PLCXD3: variants seen among roughly 807,000 people sequenced by gnomAD.
PLCXD3 encodes the protein PI-PLC X domain-containing protein 3.
In PLCXD3, 19 loss-of-function variants were observed where a neutral mutation model predicts 25.5. The observed-to-expected ratio is 0.75, with a 90% CI of 0.52 to 1.09. The LOEUF is 1.09. PLCXD3 is among the 50% of genes least tolerant of loss of function. The pLI, the probability that PLCXD3 is intolerant of heterozygous loss-of-function variation, is 0.00. For missense variants in PLCXD3, 411 were observed against 388.1 expected (o/e 1.06, Z -0.50); for synonymous variants, 174 against 137.6 (o/e 1.26, Z -1.85).
At chr5:41,421,557 C>T (rs1024627028) in intron 1 of PLCXD3, among the ~76,000 whole-genome samples, 1 of 151,750 alleles carries the variant, frequency 6.6e-6, no homozygotes, top group African/African-American at 2.4e-5. Flanking sequence ...AAAAATTAAC[C>T]GGGCGCGGTG....
chr5:41,390,572 A>T lies in PLCXD3; in HGVS notation c.104-8038T>A, dbSNP rs544517296. Among the ~76,000 whole-genome samples, 19 of 152,298 alleles carry T rather than the reference A, an allele frequency of 1.2e-4. 1 individual carries two copies. In the South Asian group the frequency reaches 3.9e-3, roughly 32 times the overall value. On this transcript the variant is annotated intron_variant, in intron 1 of 2. Coordinates refer to ENST00000377801, the MANE Select transcript of PLCXD3 (RefSeq NM_001005473.3). ...GAGTGGTTGTACACTGGTATCTCAT[A>T]GTGGTTTTAATTTTCTAATATCTGA...
chr5:41,467,142 A>G (rs1454563679), intron 1 of PLCXD3, among the ~76,000 whole-genome samples: 1 of 152,200 alleles, frequency 6.6e-6, no homozygotes, highest in Non-Finnish European at 1.5e-5. Context: ...ACAATTTTCC[A>G]TAATGGCTAC....
intron 2 of PLCXD3, among the ~76,000 whole-genome samples, chr5:41,366,036 G>A (rs1200410781): frequency 6.6e-6 from 1 of 151,862 alleles, no homozygotes; most frequent in Non-Finnish European, 1.5e-5. Context: ...TTGGTGTGCT[G>A]CACCCGTTAA....
At chr5:41,467,575 T>A (rs540614404) in intron 1 of PLCXD3, among the ~76,000 whole-genome samples, 1 of 152,302 alleles carries the variant, frequency 6.6e-6, no homozygotes, top group South Asian at 2.1e-4. Context: ...CATTTGTATA[T>A]CTTTGCTTTT....
chr5:41,393,570 C>T (rs1745902955), intron 1 of PLCXD3, among the ~76,000 whole-genome samples: 1 of 152,046 alleles, frequency 6.6e-6, no homozygotes, highest in South Asian at 2.1e-4. Flanking sequence ...TTAAAAAGTC[C>T]TTCAAACAGA....
chr5:41,507,438 A>T (rs1208664559), intron 1 of PLCXD3, among the ~76,000 whole-genome samples: 4 of 152,252 alleles, frequency 2.6e-5, no homozygotes, highest in African/African-American at 7.2e-5. Context: ...AATACCAATT[A>T]CTAACTTAAT....
intron 2 of PLCXD3, among the ~76,000 whole-genome samples, chr5:41,314,386 A>G (rs890895170): frequency 6.6e-6 from 1 of 152,230 alleles, no homozygotes. Flanking sequence ...ACAGATAAAA[A>G]TATCTTTCCC....
chr5:41,459,105 T>C (rs932875456), intron 1 of PLCXD3, among the ~76,000 whole-genome samples: 10 of 151,922 alleles, frequency 6.6e-5, no homozygotes, highest in African/African-American at 2.2e-4. Flanking sequence ...AGGGTCTAAA[T>C]AGAAAAATAG....
intron 1 of PLCXD3, among the ~76,000 whole-genome samples, chr5:41,429,171 T>C (rs972509887): frequency 9.2e-5 from 14 of 152,158 alleles, no homozygotes; most frequent in Admixed American, 1.3e-4. Context: ...AATGAGATGT[T>C]ACTTAGTGAA....
In PLCXD3 at chr5:41,458,857, A is replaced by C. The variant is rs555768176; in HGVS notation, c.103+51567T>G. Among the ~76,000 whole-genome samples the C allele has an allele frequency of 3.3e-5, 5 of 152,114 alleles. No individual in the cohort carries two copies. The East Asian group carries it at 7.8e-4, about 24-fold the overall frequency. On this transcript the variant is annotated intron_variant, in intron 1 of 2. Transcript: ENST00000377801. ...CTTGTGAGACCCTGTAAAATAATTTACACAGAAATATTGAGTGATATTCTG... is the reference window on the plus strand; with the variant it reads ...CTTGTGAGACCCTGTAAAATAATTTCCACAGAAATATTGAGTGATATTCTG...
chr5:41,381,993 G>C lies in PLCXD3; in HGVS notation c.645C>G (p.Pro215=), dbSNP rs750065858. The part of the protein sequence containing the change: ...FLWPGQMMPA[P]WANTTDPEKL... ...TCTCGGGGTCTGTGGTGTTGGCCCA[G>C]GGTGCTGGCATCATCTGCCCAGGCC... Residue 215 remains proline (P), a synonymous_variant, in exon 2 of 3, where the codon CCC becomes CCG. Transcript: ENST00000377801. The C allele has an allele frequency of 1.8e-5, 29 of 1,613,362 alleles. No individual in the cohort carries two copies. The highest frequency in any genetic ancestry group is 2.3e-5 in the Non-Finnish European group (27 of 1,179,730).
At chr5:41,388,970 A>G (rs1689098408) in intron 1 of PLCXD3, among the ~76,000 whole-genome samples, 1 of 151,332 alleles carries the variant, frequency 6.6e-6, no homozygotes. Flanking sequence ...TTATATATAA[A>G]TGTATTTATA....
intron 1 of PLCXD3, among the ~76,000 whole-genome samples, chr5:41,473,533 C>T (rs1038135981): frequency 2.6e-5 from 4 of 152,046 alleles, no homozygotes; most frequent in Non-Finnish European, 4.4e-5. Flanking sequence ...GGCTCCGCCT[C>T]CCAGGTTCAC....
In PLCXD3 at chr5:41,338,464, C is replaced by A. The variant is rs1415154836; in HGVS notation, c.813-24694G>T. 2.0e-5 allele frequency among the ~76,000 whole-genome samples: 3 copies of A among 152,070 alleles called. No individual in the cohort carries two copies. In the East Asian group the frequency reaches 5.8e-4, roughly 29 times the overall value. Reference sequence around the variant, plus strand: ...TAACATGCGTGCATGCATGTGCACACACACACAAATCACCAATGACATCTA... The same window carrying A: ...TAACATGCGTGCATGCATGTGCACAAACACACAAATCACCAATGACATCTA... On this transcript the variant is annotated intron_variant, in intron 2 of 2. Transcript: ENST00000377801.
intron 1 of PLCXD3, among the ~76,000 whole-genome samples, chr5:41,400,968 A>G (rs887732203): frequency 2.0e-5 from 3 of 151,388 alleles, no homozygotes; most frequent in Non-Finnish European, 4.4e-5. Flanking sequence ...ATAAATCTAC[A>G]TACCTATTAT....
rs73750138 is a variant in PLCXD3, at chr5:41,365,720, A to T, written c.812+16106T>A. On this transcript the variant is annotated intron_variant, in intron 2 of 2. Transcript: ENST00000377801. Reference sequence around the variant, plus strand: ...TCTCTAAAGTCATACCATAAATACCATCCTAGTATCAAGCGGATTATATTA... The same window carrying T: ...TCTCTAAAGTCATACCATAAATACCTTCCTAGTATCAAGCGGATTATATTA... Among the ~76,000 whole-genome samples, 818 of 152,274 alleles carry T rather than the reference A, an allele frequency of 5.4e-3. 12 individuals are homozygous for T. The highest frequency in any genetic ancestry group is 0.019 in the African/African-American group (773 of 41,562).
In PLCXD3 at chr5:41,317,823, C is replaced by A. The variant is rs1376200609; in HGVS notation, c.813-4053G>T. ...GATATTTGAAAATATACAGAGGAGA[C>A]AAAAGAAAAAATAATAAAAAACAAT... On this transcript the variant is annotated intron_variant, in intron 2 of 2. Transcript: ENST00000377801. Among the ~76,000 whole-genome samples the A allele has an allele frequency of 4.6e-5, 7 of 150,792 alleles. No individual in the cohort carries two copies. In the South Asian group the frequency reaches 1.5e-3, roughly 31 times the overall value.
intron 1 of PLCXD3, among the ~76,000 whole-genome samples, chr5:41,485,071 T>C (rs1041736670): frequency 6.6e-6 from 1 of 152,178 alleles, no homozygotes; most frequent in African/African-American, 2.4e-5. Flanking sequence ...AACTCATTCA[T>C]TGAGAACTTA....
chr5:41,415,372 G>T (rs1055496607), intron 1 of PLCXD3, among the ~76,000 whole-genome samples: 2 of 152,116 alleles, frequency 1.3e-5, no homozygotes, highest in Non-Finnish European at 2.9e-5. Flanking sequence ...TCCCAGACTG[G>T]CAAATACTCT....
Sources: allele counts gnomAD v4.1 joint callset (sites outside exome capture counted in the v4.1 genomes callset), GRCh38; gene constraint gnomAD v4.1.1; transcripts MANE v1.5; gene names NCBI Gene and HGNC (gene_info 2026-07-23, HGNC 2026-07-21).